The following ZNF654 variants were observed in gnomAD, a reference collection of about 807,000 sequenced individuals.
ZNF654 encodes the protein melanoma-associated antigen.
A neutral mutation model predicts 95.3 loss-of-function variants in ZNF654; 19 were observed. The ratio of observed to expected loss-of-function variants is 0.20; its 90% confidence interval spans 0.14 to 0.29. The LOEUF (loss-of-function observed/expected upper bound fraction) is 0.29. Ranked by LOEUF, ZNF654 falls within the 10% of genes least tolerant of loss-of-function variation. The probability of loss-of-function intolerance (pLI) is 1.00; values close to 1 mark genes in which losing one functional copy is unlikely to be tolerated. For synonymous variants in ZNF654, 413 were observed against 457.9 expected (o/e 0.90, Z 1.25); for missense variants, 1,046 against 1,341.0 (o/e 0.78, Z 3.44).
At chr3:88,094,298 T>C (rs1437047273) in intron 2 of ZNF654, among the ~76,000 whole-genome samples, 1 of 152,146 alleles carries the variant, frequency 6.6e-6, no homozygotes, top group Non-Finnish European at 1.5e-5. Flanking sequence ...CATTTGGTCT[T>C]AGTTGTGACT....
intron 3 of ZNF654, among the ~76,000 whole-genome samples, chr3:88,122,412 C>A (rs1184842395): frequency 6.6e-6 from 1 of 152,104 alleles, no homozygotes; most frequent in Non-Finnish European, 1.5e-5. Context: ...TGTAGAATGG[C>A]CAGAACACTG....
chr3:88,079,961 T>A lies in ZNF654; in HGVS notation c.187-6296T>A, dbSNP rs553867669. 2.2e-4 allele frequency among the ~76,000 whole-genome samples: 34 copies of A among 152,186 alleles called. No homozygotes were observed. The South Asian group carries it at 2.3e-3, about 10-fold the overall frequency. On this transcript the variant is annotated intron_variant, in intron 1 of 8. Coordinates refer to ENST00000636215, the MANE Select transcript of ZNF654 (RefSeq NM_001350134.2). ...TCTAAACCATTTTGGTGTTTTTTTT[T>A]AAAACATGACTTTTAGATTTCCATT...
chr3:88,137,428 T>C (rs540768220), intron 7 of ZNF654, among the ~76,000 whole-genome samples: 2 of 152,274 alleles, frequency 1.3e-5, no homozygotes, highest in African/African-American at 2.4e-5. Context: ...TTTTCACTCA[T>C]TCTGCAAACA....
intron 2 of ZNF654, among the ~76,000 whole-genome samples, chr3:88,093,646 A>G (rs1226988198): frequency 6.6e-6 from 1 of 152,232 alleles, no homozygotes; most frequent in African/African-American, 2.4e-5. Flanking sequence ...TAGACTACAC[A>G]TGTAATGTTA....
At chr3:88,066,070 A>C (rs1707181656) in intron 1 of ZNF654, among the ~76,000 whole-genome samples, 1 of 152,192 alleles carries the variant, frequency 6.6e-6, no homozygotes, top group Admixed American at 6.5e-5. Flanking sequence ...ATACAAGATT[A>C]TTTTGAGTAT....
intron 2 of ZNF654, among the ~76,000 whole-genome samples, chr3:88,110,571 T>G (rs1376521910): frequency 1.3e-5 from 2 of 152,124 alleles, no homozygotes; most frequent in African/African-American, 4.8e-5. Context: ...CGGGCCAGAT[T>G]TGGCCTGTGA....
At chr3:88,088,217 A>C (rs1377872574) in intron 2 of ZNF654, among the ~76,000 whole-genome samples, 1 of 152,204 alleles carries the variant, frequency 6.6e-6, no homozygotes, top group African/African-American at 2.4e-5. Flanking sequence ...ATCAGTCAAG[A>C]AACTCCAGAC....
rs543701053 is a variant in ZNF654 at position 88,128,460 on chromosome 3, T to C, written c.551-349T>C. Among the ~76,000 whole-genome samples, 9 of 152,220 alleles carry C rather than the reference T, an allele frequency of 5.9e-5. No individual in the cohort carries two copies. In the South Asian group the frequency reaches 1.9e-3, roughly 32 times the overall value. The stretch of plus-strand genomic sequence containing the variant: ...TATTGAGCAGTAAGAAGATAAAGTA[T>C]GTAATCTTAGACTAAAAAGACATAG... On this transcript the variant is annotated intron_variant, in intron 4 of 8. Coordinates refer to ENST00000636215, the MANE Select transcript of ZNF654 (RefSeq NM_001350134.2).
rs1355367382 is a variant in ZNF654, at chr3:88,094,611, G to C, written c.332+8209G>C. On this transcript the variant is annotated intron_variant, in intron 2 of 8. Transcript: ENST00000636215. ...GGTCAGTGTGGATATACAAAAATTAGAGCAAAACAGCAGTTGACTACAAGC... is the reference window on the plus strand; with the variant it reads ...GGTCAGTGTGGATATACAAAAATTACAGCAAAACAGCAGTTGACTACAAGC... 3.3e-5 allele frequency among the ~76,000 whole-genome samples: 5 copies of C among 152,208 alleles called. No individual in the cohort carries two copies. In the East Asian group the frequency reaches 9.6e-4, roughly 29 times the overall value.
intron 7 of ZNF654, among the ~76,000 whole-genome samples, chr3:88,138,279 A>C (rs1171288640): frequency 6.6e-6 from 1 of 152,136 alleles, no homozygotes; most frequent in Non-Finnish European, 1.5e-5. Context: ...TTTTAAGCCT[A>C]GTTTATTTCT....
At chr3:88,096,894 A>G (rs1704094371) in intron 2 of ZNF654, among the ~76,000 whole-genome samples, 1 of 152,138 alleles carries the variant, frequency 6.6e-6, no homozygotes, top group Non-Finnish European at 1.5e-5. Flanking sequence ...CATATATAAG[A>G]AAAAAACCTC....
At chr3:88,138,242 T>C (rs1706917704) in intron 7 of ZNF654, among the ~76,000 whole-genome samples, 1 of 152,296 alleles carries the variant, frequency 6.6e-6, no homozygotes, top group East Asian at 1.9e-4. Flanking sequence ...CATATAGCAC[T>C]ATAATAAAAG....
At chr3:88,107,982 T>C (rs1375524634) in intron 2 of ZNF654, among the ~76,000 whole-genome samples, 1 of 152,072 alleles carries the variant, frequency 6.6e-6, no homozygotes, top group South Asian at 2.1e-4. Context: ...TTTATTGTTC[T>C]TATCATTTTT....
chr3:88,076,100 T>C (rs1299079134), intron 1 of ZNF654, among the ~76,000 whole-genome samples: 2 of 152,236 alleles, frequency 1.3e-5, no homozygotes, highest in Admixed American at 1.3e-4. Context: ...GCTTCAGATA[T>C]TTTAAGGTAA....
chr3:88,108,968 G>T (rs1704913341), intron 2 of ZNF654, among the ~76,000 whole-genome samples: 1 of 152,100 alleles, frequency 6.6e-6, no homozygotes, highest in African/African-American at 2.4e-5. Context: ...AAGCCACATG[G>T]TGCATGTTAA....
At chr3:88,095,681 T>C (rs938964380) in intron 2 of ZNF654, 13 of 436,586 alleles carry the variant, frequency 3.0e-5, no homozygotes, top group Non-Finnish European at 5.7e-5. Context: ...CTTGATACTG[T>C]CAGCACAGTT....
chr3:88,120,425 T>C (rs1489068346), intron 3 of ZNF654, among the ~76,000 whole-genome samples: 1 of 152,194 alleles, frequency 6.6e-6, no homozygotes, highest in East Asian at 1.9e-4. Flanking sequence ...TTATTAGGAA[T>C]GGGGAGGGAT....
At chr3:88,096,672 C>T (rs1247231106) in intron 2 of ZNF654, among the ~76,000 whole-genome samples, 1 of 151,852 alleles carries the variant, frequency 6.6e-6, no homozygotes, top group Non-Finnish European at 1.5e-5. Context: ...TATAATGTAC[C>T]CTTTTAGCGG....
chr3:88,059,998 G>A lies in ZNF654; in HGVS notation c.186+493G>A, dbSNP rs186377461. On this transcript the variant is annotated intron_variant, in intron 1 of 8. Transcript: ENST00000636215. ...CTGCCACTGTTCCCCCTCTTCTAGG[G>A]TCTCCTGTCATCCCCTCACAAGATC... Among the ~76,000 whole-genome samples, 11 of 151,710 alleles carry A rather than the reference G, an allele frequency of 7.3e-5. No homozygotes were observed. In the East Asian group the frequency reaches 2.0e-3, roughly 27 times the overall value.
Sources: gnomAD v4.1 joint callset for allele counts (sites outside exome capture counted in the v4.1 genomes callset) on GRCh38, gnomAD v4.1.1 for gene constraint, MANE v1.5 for transcripts, NCBI Gene and HGNC (gene_info 2026-07-23, HGNC 2026-07-21) for gene names.